The following PRKCH variants were observed in gnomAD, a reference collection of about 807,000 sequenced individuals.
PRKCH encodes protein kinase C eta.
In PRKCH, 28 loss-of-function variants were observed where a neutral mutation model predicts 82.5. That is an observed-to-expected ratio of 0.34 (90% CI 0.25 to 0.47). The LOEUF (loss-of-function observed/expected upper bound fraction) is 0.47. PRKCH is among the 20% of genes least tolerant of loss of function. PRKCH has a pLI of 1.00. For missense variants in PRKCH, 705 were observed against 881.8 expected, an observed-to-expected ratio of 0.80 and a Z score of 2.54; for synonymous variants, 322 against 327.4, an observed-to-expected ratio of 0.98 and a Z score of 0.18.
intron 1 of PRKCH, among the ~76,000 whole-genome samples, chr14:61,357,166 T>G (rs111266679): frequency 2.0e-5 from 3 of 152,356 alleles, no homozygotes; most frequent in Non-Finnish European, 2.9e-5. Context: ...CAGGACTGCC[T>G]TCTTCACACC....
chr14:61,262,566 A>G (rs993175512), intron 1 of PRKCH, among the ~76,000 whole-genome samples: 5 of 152,186 alleles, frequency 3.3e-5, no homozygotes, highest in Non-Finnish European at 7.3e-5. Context: ...GGGCACAAAG[A>G]AACTTTTTGG....
intron 1 of PRKCH, among the ~76,000 whole-genome samples, chr14:61,282,309 T>G (rs1594890210): frequency 6.7e-6 from 1 of 149,702 alleles, no homozygotes. Flanking sequence ...TGGTAAAACA[T>G]ATACAAGGGG....
At chr14:61,326,947 T>C (rs951577677) in intron 1 of PRKCH, 21 of 385,882 alleles carry the variant, frequency 5.4e-5, no homozygotes, top group African/African-American at 3.9e-4. Flanking sequence ...GTGTACTTGC[T>C]CTTGATTTGC....
At chr14:61,411,011 C>G (rs1882240556) in intron 2 of PRKCH, among the ~76,000 whole-genome samples, 1 of 152,204 alleles carries the variant, frequency 6.6e-6, no homozygotes, top group Admixed American at 6.5e-5. Context: ...TTCCTTAGGC[C>G]TTCAGTCATT....
At chr14:61,409,424 T>A (rs1196152269) in intron 2 of PRKCH, among the ~76,000 whole-genome samples, 2 of 152,066 alleles carry the variant, frequency 1.3e-5, no homozygotes, top group Non-Finnish European at 2.9e-5. Flanking sequence ...AAATGAGTGG[T>A]AGTGGCTCAT....
intron 1 of PRKCH, among the ~76,000 whole-genome samples, chr14:61,328,402 G>A (rs1029063607): frequency 1.0e-4 from 13 of 124,656 alleles, no homozygotes; most frequent in African/African-American, 3.8e-4. Context: ...CTTGTAATAC[G>A]TTATAACGTT....
chr14:61,366,991 T>TA (rs1170472631), intron 1 of PRKCH, among the ~76,000 whole-genome samples: 9 of 152,074 alleles, frequency 5.9e-5, no homozygotes, highest in Non-Finnish European at 1.2e-4. Flanking sequence ...CTAAAACAAA[T>TA]ACTTCGATGA....
chr14:61,332,982 C>T (rs1003488500), intron 1 of PRKCH, among the ~76,000 whole-genome samples: 8 of 152,174 alleles, frequency 5.3e-5, no homozygotes, highest in Non-Finnish European at 8.8e-5. Flanking sequence ...AAATTCTGCT[C>T]CCTTCTGAAA....
At chr14:61,480,442 T>C (rs1188529205) in intron 9 of PRKCH, among the ~76,000 whole-genome samples, 1 of 152,248 alleles carries the variant, frequency 6.6e-6, no homozygotes, top group African/African-American at 2.4e-5. Context: ...AGGTTATCTT[T>C]TGCCTCCTTT....
intron 1 of PRKCH, among the ~76,000 whole-genome samples, chr14:61,266,111 G>A (rs2045098515): frequency 1.3e-5 from 2 of 151,730 alleles, no homozygotes; most frequent in African/African-American, 4.8e-5. Context: ...GACTACTGAA[G>A]CTTTTAGAAA....
intron 2 of PRKCH, among the ~76,000 whole-genome samples, chr14:61,435,724 G>A (rs1883646280): frequency 6.6e-6 from 1 of 151,902 alleles, no homozygotes; most frequent in African/African-American, 2.4e-5. Context: ...ATGAATGAAT[G>A]AATGAATGAA....
chr14:61,309,442 C>CA (rs921650274), intron 1 of PRKCH, among the ~76,000 whole-genome samples: 1 of 152,150 alleles, frequency 6.6e-6, no homozygotes, highest in African/African-American at 2.4e-5. Flanking sequence ...AAGTGAGCAG[C>CA]AGGATGAGGC....
In PRKCH at chr14:61,204,927, T is replaced by C. The variant is rs77079825; in HGVS notation, c.-19+17259T>C. On this transcript the variant is annotated intron_variant, in intron 1 of 3. Transcript: ENST00000555185. ...CTATTTTATTTGTTACCATGTATTA[T>C]TTGTTACTGAGTAAGCTCTTCCATA... Among the ~76,000 whole-genome samples the C allele has an allele frequency of 5.1e-3, 775 of 152,346 alleles. 14 individuals carry two copies. Among genetic ancestry groups the C allele is most frequent in the African/African-American group, 0.017 (715 of 41,576 alleles).
At chr14:61,439,179 G>A (rs984294045) in intron 2 of PRKCH, among the ~76,000 whole-genome samples, 6 of 151,972 alleles carry the variant, frequency 3.9e-5, no homozygotes, top group African/African-American at 1.5e-4. Flanking sequence ...TATTCAATAG[G>A]GTTTTTTTTT....
intron 1 of PRKCH, among the ~76,000 whole-genome samples, chr14:61,364,252 T>C (rs2046270163): frequency 2.0e-5 from 3 of 151,632 alleles, no homozygotes; most frequent in African/African-American, 7.3e-5. Context: ...GCAGGCAAGA[T>C]AGAATGGGAT....
intron 1 of PRKCH, chr14:61,322,723 A>C (rs2045645022): frequency 6.7e-6 from 3 of 447,204 alleles, no homozygotes; most frequent in Non-Finnish European, 1.2e-5. Flanking sequence ...GAAGTCGGGC[A>C]GGGGTCCAGG....
intron 1 of PRKCH, among the ~76,000 whole-genome samples, chr14:61,211,209 A>G (rs552895033): frequency 6.6e-6 from 1 of 152,318 alleles, no homozygotes; most frequent in South Asian, 2.1e-4. Context: ...CTGAAGGAAG[A>G]GCTCGAGGAA....
chr14:61,416,138 T>C (rs540719911), intron 2 of PRKCH, among the ~76,000 whole-genome samples: 9 of 144,032 alleles, frequency 6.2e-5, no homozygotes, highest in African/African-American at 2.3e-4. Context: ...CTGCAACCTC[T>C]GCCCCGCCCC....
chr14:61,547,569 C>G (rs2043274164), intron 12 of PRKCH, among the ~76,000 whole-genome samples, 174 bp from the exon 13 acceptor site: 1 of 152,224 alleles, frequency 6.6e-6, no homozygotes, highest in South Asian at 2.1e-4. Context: ...GCAATCGCGC[C>G]TTTAAGGCAT....
Sources: gnomAD v4.1 joint callset for allele counts (sites outside exome capture counted in the v4.1 genomes callset) on GRCh38, gnomAD v4.1.1 for gene constraint, MANE v1.5 for transcripts, NCBI Gene and HGNC (gene_info 2026-07-23, HGNC 2026-07-21) for gene names.